MSRB3: variants seen among roughly 807,000 people sequenced by gnomAD.
MSRB3 encodes methionine-R-sulfoxide reductase B3.
Under a neutral mutation model 21.0 loss-of-function variants are expected in MSRB3, and 13 were observed. The ratio of observed to expected loss-of-function variants is 0.62; its 90% CI spans 0.40 to 0.98. The LOEUF (loss-of-function observed/expected upper bound fraction) is 0.98, where lower values mean the gene tolerates loss of function less well. MSRB3 is among the 50% of genes least tolerant of loss of function. The pLI, the probability that MSRB3 is intolerant of heterozygous loss-of-function variation, is 0.00. For missense variants in MSRB3, 199 were observed against 230.3 expected (o/e 0.86, Z 0.88); for synonymous variants, 87 against 88.6 (o/e 0.98, Z 0.10).
intron 3 of MSRB3, among the ~76,000 whole-genome samples, chr12:65,327,812 G>A (rs1875148616): frequency 6.6e-6 from 1 of 152,180 alleles, no homozygotes; most frequent in South Asian, 2.1e-4. Flanking sequence ...TCCAACCTTA[G>A]CATACAATGA....
At chr12:65,295,080 C>T (rs1872881274) in intron 1 of MSRB3, among the ~76,000 whole-genome samples, 1 of 152,142 alleles carries the variant, frequency 6.6e-6, no homozygotes, top group Non-Finnish European at 1.5e-5. Context: ...ATCCTCCTGC[C>T]GCAACTGCCA....
chr12:65,359,077 A>C (rs922089326), intron 4 of MSRB3, among the ~76,000 whole-genome samples: 1 of 151,998 alleles, frequency 6.6e-6, no homozygotes, highest in African/African-American at 2.4e-5. Flanking sequence ...GAATAATGTA[A>C]TGATCAATTT....
intron 4 of MSRB3, among the ~76,000 whole-genome samples, chr12:65,356,043 T>C (rs1178789281): frequency 6.6e-6 from 1 of 151,932 alleles, no homozygotes; most frequent in Non-Finnish European, 1.5e-5. Flanking sequence ...CCAGTGAACT[T>C]CTTTTCATGC....
At chr12:65,438,680 C>T (rs965888825) in intron 5 of MSRB3, among the ~76,000 whole-genome samples, 2 of 151,704 alleles carry the variant, frequency 1.3e-5, no homozygotes, top group Non-Finnish European at 2.9e-5. Context: ...GAGAGTTTTC[C>T]AAAGGCTTTA....
intron 5 of MSRB3, among the ~76,000 whole-genome samples, chr12:65,401,355 G>A (rs755445250): frequency 2.0e-5 from 3 of 152,056 alleles, no homozygotes; most frequent in Admixed American, 6.6e-5. Context: ...ATTCCTTTAC[G>A]ATTATGTAAT....
intron 5 of MSRB3, among the ~76,000 whole-genome samples, chr12:65,425,629 T>C (rs1051194823): frequency 6.6e-6 from 1 of 152,172 alleles, no homozygotes; most frequent in Non-Finnish European, 1.5e-5. Context: ...TACAAAATCC[T>C]ACACTTTTGC....
At chr12:65,397,556 T>C (rs771655028) in intron 5 of MSRB3, among the ~76,000 whole-genome samples, 6 of 152,176 alleles carry the variant, frequency 3.9e-5, no homozygotes, top group Non-Finnish European at 8.8e-5. Context: ...ATTTTCTCTA[T>C]ACACTTACCA....
chr12:65,308,302 T>C (rs956048169), intron 1 of MSRB3, among the ~76,000 whole-genome samples: 9 of 152,198 alleles, frequency 5.9e-5, no homozygotes, highest in African/African-American at 2.2e-4. Context: ...TAAACTGTGT[T>C]CACAGATTGC....
intron 4 of MSRB3, among the ~76,000 whole-genome samples, chr12:65,338,165 A>G (rs1288687903): frequency 6.6e-6 from 1 of 152,206 alleles, no homozygotes; most frequent in Non-Finnish European, 1.5e-5. Flanking sequence ...CATAATTATT[A>G]ATTCCCTGCC....
At chr12:65,335,669 C>G (rs1485422672) in intron 4 of MSRB3, among the ~76,000 whole-genome samples, 3 of 152,068 alleles carry the variant, frequency 2.0e-5, no homozygotes, top group African/African-American at 7.2e-5. Flanking sequence ...AGAGTTTTCC[C>G]GTTTTCCTCT....
chr12:65,392,041 G>A (rs1416342563), intron 5 of MSRB3, among the ~76,000 whole-genome samples: 1 of 152,136 alleles, frequency 6.6e-6, no homozygotes, highest in Non-Finnish European at 1.5e-5. Context: ...CTCACTTTAA[G>A]CCAAACCCTA....
chr12:65,462,311 A>G (rs758973112), intron 6 of MSRB3, among the ~76,000 whole-genome samples: 3 of 152,162 alleles, frequency 2.0e-5, no homozygotes, highest in Non-Finnish European at 2.9e-5. Context: ...CCCAGCATCA[A>G]CGCAGTTAGT....
intron 3 of MSRB3, 58 bp from the exon 4 acceptor site, chr12:65,328,468 A>G (rs1247218035): frequency 1.6e-6 from 2 of 1,223,720 alleles, no homozygotes; most frequent in Non-Finnish European, 2.4e-6. Context: ...TTAAGCAAAT[A>G]CATTCTGTAA....
intron 6 of MSRB3, among the ~76,000 whole-genome samples, chr12:65,461,829 AC>A (rs1279797794): frequency 1.2e-4 from 18 of 151,872 alleles, no homozygotes; most frequent in African/African-American, 3.6e-4. Context: ...CTAAATCTTG[AC>A]TCTTCCCTCT....
At chr12:65,397,381 C>A (rs1199081652) in intron 5 of MSRB3, among the ~76,000 whole-genome samples, 1 of 152,078 alleles carries the variant, frequency 6.6e-6, no homozygotes, top group Non-Finnish European at 1.5e-5. Context: ...TTGATATAAT[C>A]ACTTTAGTAA....
intron 5 of MSRB3, among the ~76,000 whole-genome samples, chr12:65,422,026 A>C (rs764834241): frequency 9.9e-5 from 15 of 152,188 alleles, no homozygotes; most frequent in Non-Finnish European, 1.8e-4. Context: ...AAATAAAGGG[A>C]TGGAGGAAAA....
intron 1 of MSRB3, among the ~76,000 whole-genome samples, chr12:65,288,725 T>G (rs535528355): frequency 6.1e-4 from 93 of 152,322 alleles, no homozygotes; most frequent in Middle Eastern, 6.8e-3. Flanking sequence ...AGTCCTCATT[T>G]AGCAGGATAT....
At chr12:65,328,219 G>T (rs542415220) in intron 3 of MSRB3, among the ~76,000 whole-genome samples, 2 of 151,278 alleles carry the variant, frequency 1.3e-5, no homozygotes, top group South Asian at 4.2e-4. Flanking sequence ...CTTATGTAAT[G>T]TTCTTTCTGT....
chr12:65,434,811 T>A (rs568564523), intron 5 of MSRB3, among the ~76,000 whole-genome samples: 1 of 152,104 alleles, frequency 6.6e-6, no homozygotes, highest in South Asian at 2.1e-4. Flanking sequence ...TGCACTGATA[T>A]AATTATATCA....
Sources: allele counts gnomAD v4.1 joint callset (sites outside exome capture counted in the v4.1 genomes callset), GRCh38; gene constraint gnomAD v4.1.1; transcripts MANE v1.5; gene names NCBI Gene and HGNC (gene_info 2026-07-23, HGNC 2026-07-21).